Variants in GLRX3 observed in about 807,000 individuals in gnomAD.
GLRX3 encodes the protein glutaredoxin-3.
Under a neutral mutation model 49.5 loss-of-function variants are expected in GLRX3, and 22 were observed. The observed-to-expected ratio is 0.44, with a 90% CI of 0.32 to 0.63. The LOEUF (loss-of-function observed/expected upper bound fraction) is 0.63. GLRX3 is among the 30% of genes least tolerant of loss of function. GLRX3 has a pLI of 0.05. For synonymous variants in GLRX3, 133 were observed against 140.0 expected, an observed-to-expected ratio of 0.95 and a Z score of 0.35; for missense variants, 385 against 396.3, an observed-to-expected ratio of 0.97 and a Z score of 0.24.
At chr10:130,141,404 C>G (rs564355610) in intron 1 of GLRX3, among the ~76,000 whole-genome samples, 17 of 152,186 alleles carry the variant, frequency 1.1e-4, no homozygotes, top group Admixed American at 3.3e-4. Flanking sequence ...AGATCTTAAT[C>G]GTCAGATGTG....
chr10:130,161,465 C>A (rs965865326), intron 4 of GLRX3, among the ~76,000 whole-genome samples: 1 of 152,196 alleles, frequency 6.6e-6, no homozygotes, highest in Non-Finnish European at 1.5e-5. Context: ...GTTTTTGTGT[C>A]CAGCCTGTGT....
intron 8 of GLRX3, among the ~76,000 whole-genome samples, chr10:130,173,140 GAC>G (rs1862846636): frequency 6.6e-6 from 1 of 152,114 alleles, no homozygotes; most frequent in Non-Finnish European, 1.5e-5. Context: ...TCCACAGTGA[GAC>G]ACACACAGTC....
At chr10:130,163,579 G>T (rs779613925) in intron 4 of GLRX3, among the ~76,000 whole-genome samples, 13 of 152,142 alleles carry the variant, frequency 8.5e-5, no homozygotes, top group Non-Finnish European at 1.3e-4. Flanking sequence ...TACATTTTCA[G>T]TGGGTTTTTC....
intron 1 of GLRX3, among the ~76,000 whole-genome samples, chr10:130,141,793 G>GT (rs980349299): frequency 1.3e-5 from 2 of 152,162 alleles, no homozygotes; most frequent in African/African-American, 4.8e-5. Flanking sequence ...GTGAACCTCT[G>GT]TTTTGTTCTT....
intron 8 of GLRX3, 36 bp from the exon 9 acceptor site, chr10:130,174,831 T>G: frequency 7.4e-7 from 1 of 1,355,120 alleles, no homozygotes. Flanking sequence ...TTGATTTAAC[T>G]GTATTTCCAG....
At chr10:130,160,569 AGACT>A (rs1458076769) in intron 3 of GLRX3, among the ~76,000 whole-genome samples, 1 of 152,140 alleles carries the variant, frequency 6.6e-6, no homozygotes, top group African/African-American at 2.4e-5. Context: ...GTATTATGTT[AGACT>A]GACCTGATTT....
At chr10:130,176,778 C>T (rs189501341) in intron 10 of GLRX3, among the ~76,000 whole-genome samples, 870 of 68,110 alleles carry the variant, frequency 0.013, 13 homozygotes, top group Middle Eastern at 0.077. Context: ...CCCTCTTTCT[C>T]TCTCTCTCTC....
chr10:130,160,013 C>CCTT lies in GLRX3; in HGVS notation c.222_223insTCT (p.Pro74_Glu75insSer). On this transcript the variant is annotated inframe_insertion, in exon 3 of 11. Transcript: ENST00000331244. ...TTTAAAGTTGGAAGCTGAAGGTGTT[C>CCTT]CTGAAGTATCTGAAAAATATGAAAT... The CCTT allele has an allele frequency of 6.3e-7, 1 of 1,594,384 alleles. No individual in the cohort carries two copies. The highest frequency in any genetic ancestry group is 1.1e-5 in the South Asian group (1 of 90,642).
chr10:130,143,677 C>A (rs1022021108), intron 1 of GLRX3, among the ~76,000 whole-genome samples: 3 of 151,938 alleles, frequency 2.0e-5, no homozygotes, highest in Non-Finnish European at 4.4e-5. Flanking sequence ...CAGGCATGAG[C>A]CACCTTGCCT....
At chr10:130,148,979 G>A (rs753511649) in intron 2 of GLRX3, among the ~76,000 whole-genome samples, 30 of 152,078 alleles carry the variant, frequency 2.0e-4, no homozygotes, top group Non-Finnish European at 4.4e-4. Flanking sequence ...GATTGCTTAA[G>A]TCCAGGAGTT....
rs573814328 is a variant in GLRX3, at chr10:130,145,229, T to C, written c.111T>C (p.His37=). The change falls in exon 2 of 11, where the codon CAT becomes CAC. Residue 37 remains histidine, a synonymous_variant. Coordinates refer to ENST00000331244, the MANE Select transcript of GLRX3 (RefSeq NM_006541.5). ...RLKAKSLLVV[H]FWAPWAPQCA... ...TTTACAGGTCCCTCCTTGTGGTCCA[T>C]TTCTGGGCACCATGGGCTCCACAGT... is the stretch of plus-strand genomic sequence containing the variant. 2.8e-4 allele frequency: 415 copies of C among 1,481,496 alleles called. 2 individuals are homozygous for C. The South Asian group carries it at 4.6e-3, about 16-fold the overall frequency. The allele number at this position is 1,481,496 out of a possible 1,614,324, so 91.8% of individuals were successfully genotyped here.
At chr10:130,140,479 G>T (rs78956500) in intron 1 of GLRX3, among the ~76,000 whole-genome samples, 3,016 of 152,270 alleles carry the variant, frequency 0.02, 114 homozygotes, top group African/African-American at 0.068. Flanking sequence ...TTAAATAGGA[G>T]AATATTGTGG....
At chr10:130,159,917 C>A in intron 2 of GLRX3, 78 bp from the exon 3 acceptor site, 2 of 1,231,620 alleles carry the variant, frequency 1.6e-6, no homozygotes, top group Non-Finnish European at 2.4e-6. Flanking sequence ...AGGGATAATG[C>A]ATGTGAAACT....
At chr10:130,149,273 C>T (rs979943491) in intron 2 of GLRX3, among the ~76,000 whole-genome samples, 1 of 151,990 alleles carries the variant, frequency 6.6e-6, no homozygotes, top group African/African-American at 2.4e-5. Flanking sequence ...GAAACCCTGT[C>T]TCCACTAAAA....
chr10:130,149,097 G>A (rs2134882036), intron 2 of GLRX3, among the ~76,000 whole-genome samples: 1 of 152,120 alleles, frequency 6.6e-6, no homozygotes, highest in South Asian at 2.1e-4. Context: ...CTCCTTTTGG[G>A]TGCTGTGTTT....
intron 1 of GLRX3, among the ~76,000 whole-genome samples, chr10:130,137,650 G>A (rs1391950828): frequency 6.6e-6 from 1 of 152,212 alleles, no homozygotes; most frequent in African/African-American, 2.4e-5. Flanking sequence ...ACAATGCCTA[G>A]TATGCAGGAA....
At chr10:130,147,154 G>C (rs886373565) in intron 2 of GLRX3, among the ~76,000 whole-genome samples, 1 of 152,188 alleles carries the variant, frequency 6.6e-6, no homozygotes. Flanking sequence ...TGTAACTGTA[G>C]AGTGTAACCC....
intron 3 of GLRX3, 128 bp downstream of exon 3, chr10:130,160,197 C>G: frequency 1.6e-6 from 1 of 636,310 alleles, no homozygotes; most frequent in Non-Finnish European, 2.9e-6. Context: ...CTCCACCTTT[C>G]TTCTGATAGT....
At chr10:130,150,939 T>C (rs575063104) in intron 2 of GLRX3, among the ~76,000 whole-genome samples, 1 of 151,826 alleles carries the variant, frequency 6.6e-6, no homozygotes, top group African/African-American at 2.4e-5. Context: ...GTTTTTTTTT[T>C]TTTTTTGAGA....
Sources: gnomAD v4.1 joint callset for allele counts (sites outside exome capture counted in the v4.1 genomes callset) on GRCh38, gnomAD v4.1.1 for gene constraint, MANE v1.5 for transcripts, NCBI Gene and HGNC (gene_info 2026-07-23, HGNC 2026-07-21) for gene names.